The following ABCA13 variants were observed in gnomAD, a reference collection of about 807,000 sequenced individuals.
ABCA13 encodes ATP binding cassette subfamily A member 13.
A neutral mutation model predicts 478.7 loss-of-function variants in ABCA13; 476 were observed. The observed-to-expected ratio is 0.99, with a 90% CI of 0.92 to 1.07. The LOEUF (loss-of-function observed/expected upper bound fraction) is 1.07. ABCA13 is among the 50% of genes least tolerant of loss of function. ABCA13 has a pLI of 0.00. For synonymous variants in ABCA13, 2,252 were observed against 2,158.9 expected, an observed-to-expected ratio of 1.04 and a Z score of -1.20; for missense variants, 6,060 against 5,910.6, an observed-to-expected ratio of 1.03 and a Z score of -0.83.
At chr7:48,271,753 AT>A in intron 16 of ABCA13, 33 bp from the exon 17 acceptor site, 1 of 1,191,766 alleles carries the variant, frequency 8.4e-7, no homozygotes, top group Middle Eastern at 3.1e-4. Flanking sequence ...TTATTTTTTT[AT>A]TTTATACTAA....
chr7:48,597,501 A>G (rs1364285007), intron 58 of ABCA13, among the ~76,000 whole-genome samples: 2 of 152,230 alleles, frequency 1.3e-5, no homozygotes, highest in African/African-American at 4.8e-5. Flanking sequence ...TAGATTGAAT[A>G]GTAAGTTGTA....
intron 59 of ABCA13, chr7:48,626,891 A>G: frequency 1.0e-6 from 1 of 985,400 alleles, no homozygotes; most frequent in Non-Finnish European, 1.2e-6. Context: ...GTTGATATTC[A>G]TGTTCTCTTT....
At position 48,248,117 on chromosome 7, in the gene ABCA13, G is replaced by C. The variant is rs115657492; in HGVS notation, c.1660-122G>C. The C allele has an allele frequency of 6.3e-4, 473 of 750,074 alleles. 1 individual carries two copies. In the African/African-American group the frequency reaches 7.3e-3, roughly 12 times the overall value. The allele number at this position is 750,074 out of a possible 1,614,324, so 46.5% of individuals were successfully genotyped here. ...AGATAATTACCATGCCATAGGGCAC[G>C]ATCTTTGATGTACAGTTTGAGTGGA... On this transcript the variant is annotated intron_variant, in intron 13 of 61. Coordinates refer to ENST00000435803, the MANE Select transcript of ABCA13 (RefSeq NM_152701.5).
At chr7:48,176,755 G>C (rs1056696590) in intron 1 of ABCA13, among the ~76,000 whole-genome samples, 3 of 152,164 alleles carry the variant, frequency 2.0e-5, no homozygotes, top group Non-Finnish European at 4.4e-5. Flanking sequence ...GATCTACCCT[G>C]GGGCTAGGTA....
intron 58 of ABCA13, among the ~76,000 whole-genome samples, chr7:48,600,908 T>C (rs1790825360): frequency 6.6e-6 from 1 of 152,226 alleles, no homozygotes. Flanking sequence ...TTTACTCAAA[T>C]ACTTTTTCTG....
rs531561904 is a variant in ABCA13 at position 48,372,294 on chromosome 7, C to T, written c.10930C>T (p.His3644Tyr). 1.3e-5 allele frequency: 21 copies of T among 1,613,818 alleles called. No individual in the cohort carries two copies. The highest frequency in any genetic ancestry group is 1.8e-5 in the Non-Finnish European group (21 of 1,179,872). ...IVLKTSGIFA[H>Y]SNTFIVFLFL... Reference sequence around the variant, plus strand: ...TCTGAAAACAAGTGGCATCTTTGCACACAGCAATACCTTTATTGTTTTCCT... The same window carrying T: ...TCTGAAAACAAGTGGCATCTTTGCATACAGCAATACCTTTATTGTTTTCCT... The change falls in exon 33 of 62, where the codon CAC (histidine) becomes TAC (tyrosine). Residue 3644 changes from histidine (H) to tyrosine (Y), a missense_variant. Around this residue, in one of 3 missense-constraint regions of ABCA13, gnomAD observed 4,423 missense variants for 4,309.1 expected, o/e 1.03. Transcript: ENST00000435803.
chr7:48,538,713 G>T (rs1290364393), intron 55 of ABCA13, among the ~76,000 whole-genome samples: 1 of 151,982 alleles, frequency 6.6e-6, no homozygotes, highest in Non-Finnish European at 1.5e-5. Flanking sequence ...GTCATTCTAT[G>T]TACTCCATTC....
intron 58 of ABCA13, among the ~76,000 whole-genome samples, chr7:48,604,607 TC>T (rs1182116283): frequency 1.3e-5 from 2 of 152,118 alleles, no homozygotes; most frequent in Admixed American, 1.3e-4. Flanking sequence ...TGTTATGATT[TC>T]CGTTCTTTTG....
At chr7:48,225,184 C>CCTTCCTTCCTTG in intron 5 of ABCA13, among the ~76,000 whole-genome samples, 1 of 149,590 alleles carries the variant, frequency 6.7e-6, no homozygotes, top group Non-Finnish European at 1.5e-5. Flanking sequence ...TTCCTTCCTT[C>CCTTCCTTCCTTG]CTTCCTTCTT....
chr7:48,387,907 A>G lies in ABCA13; in HGVS notation c.11421A>G (p.Gln3807=). The G allele has an allele frequency of 1.2e-6, 2 of 1,613,338 alleles. No individual in the cohort carries two copies. The highest frequency in any genetic ancestry group is 1.7e-6 in the Non-Finnish European group (2 of 1,179,626). ...KSVGFLVEKR[Q]YFLSSSLFFF... is the part of the protein sequence containing the mutation. Reference sequence around the variant, plus strand: ...TGGGTTTCTTGGTGGAGAAAAGGCAATACTTTCTAAGTTCTAGTCTGTTCT... The same window carrying G: ...TGGGTTTCTTGGTGGAGAAAAGGCAGTACTTTCTAAGTTCTAGTCTGTTCT... Residue 3807 remains glutamine (Q), a synonymous_variant, in exon 36 of 62, where the codon CAA becomes CAG. Coordinates refer to ENST00000435803, the MANE Select transcript of ABCA13 (RefSeq NM_152701.5).
At chr7:48,609,856 A>T (rs1791849219) in intron 58 of ABCA13, among the ~76,000 whole-genome samples, 1 of 152,246 alleles carries the variant, frequency 6.6e-6, no homozygotes, top group African/African-American at 2.4e-5. Context: ...TCACAAGAAT[A>T]GCAACAGGGA....
chr7:48,362,409 CTTT>C (rs35795708), intron 31 of ABCA13, among the ~76,000 whole-genome samples: 24 of 85,998 alleles, frequency 2.8e-4, no homozygotes, highest in Non-Finnish European at 3.6e-4. Flanking sequence ...TCCTCTTCTT[CTTT>C]TTTTTTTTTT....
chr7:48,328,706 C>G lies in ABCA13; in HGVS notation c.10000-6716C>G, dbSNP rs574789633. ...TTATTAGTGAAATAGCACATTAGAACATGAGGAAAAATTATAAACATATAG... is the reference window on the plus strand; with the variant it reads ...TTATTAGTGAAATAGCACATTAGAAGATGAGGAAAAATTATAAACATATAG... On this transcript the variant is annotated intron_variant, in intron 27 of 61. Coordinates refer to ENST00000435803, the MANE Select transcript of ABCA13 (RefSeq NM_152701.5). 5.9e-5 allele frequency among the ~76,000 whole-genome samples: 9 copies of G among 151,300 alleles called. No homozygotes were observed. The South Asian group carries it at 1.9e-3, about 32-fold the overall frequency.
intron 48 of ABCA13, among the ~76,000 whole-genome samples, chr7:48,499,809 A>G (rs183454507): frequency 1.3e-5 from 2 of 152,208 alleles, no homozygotes; most frequent in South Asian, 4.1e-4. Flanking sequence ...CCTTTTACTT[A>G]GGAGCCTTGG....
chr7:48,645,508 T>C lies in ABCA13; in HGVS notation c.15173T>C (p.Ile5058Thr), dbSNP rs751602509. ...AGTCACCACACACATCACTTGCCCA[T>C]CTGAGCACTAAAGAAGTTTCCATAA... ...TDSHHTHHLP[I>T] is the part of the protein sequence containing the mutation. Residue 5058 changes from isoleucine to threonine, a missense_variant, in exon 62 of 62, where the codon ATC becomes ACC. Around this residue, in one of 3 missense-constraint regions of ABCA13, gnomAD observed 1,627 missense variants for 1,571.0 expected, o/e 1.04. Coordinates refer to ENST00000435803, the MANE Select transcript of ABCA13 (RefSeq NM_152701.5). 1.3e-6 allele frequency: 2 copies of C among 1,578,348 alleles called. No individual in the cohort carries two copies. The highest frequency in any genetic ancestry group is 2.3e-5 in the South Asian group (2 of 85,646).
In ABCA13 at chr7:48,387,913, T is replaced by C. The variant is rs1815431330; in HGVS notation, c.11427T>C (p.Phe3809=). 9.3e-6 allele frequency: 15 copies of C among 1,613,208 alleles called. No individual in the cohort carries two copies. The highest frequency in any genetic ancestry group is 2.7e-5 in the African/African-American group (2 of 74,894). The change falls in exon 36 of 62, where the codon TTT becomes TTC. Residue 3809 remains phenylalanine (F), a synonymous_variant. Transcript: ENST00000435803. ...VGFLVEKRQY[F]LSSSLFFFNE... ...TCTTGGTGGAGAAAAGGCAATACTT[T>C]CTAAGTTCTAGTCTGTTCTTCTTCA...
intron 49 of ABCA13, among the ~76,000 whole-genome samples, chr7:48,507,087 T>G (rs1279017986): frequency 6.6e-6 from 1 of 152,174 alleles, no homozygotes; most frequent in Non-Finnish European, 1.5e-5. Flanking sequence ...ACCGGTTGGG[T>G]TGCAGCTTGT....
At chr7:48,437,840 T>C (rs1438182503) in intron 42 of ABCA13, among the ~76,000 whole-genome samples, 1 of 152,070 alleles carries the variant, frequency 6.6e-6, no homozygotes, top group African/African-American at 2.4e-5. Flanking sequence ...ATGTAGCCTA[T>C]CTGAGCCTGT....
intron 59 of ABCA13, among the ~76,000 whole-genome samples, chr7:48,618,624 G>A (rs940022672): frequency 6.6e-6 from 1 of 152,284 alleles, no homozygotes; most frequent in Admixed American, 6.5e-5. Context: ...GGATTTTATT[G>A]TGATTTCTAT....
Sources: gnomAD v4.1 joint callset for allele counts (sites outside exome capture counted in the v4.1 genomes callset) on GRCh38, gnomAD v4.1.1 for gene constraint, gnomAD v4.1.1 regional missense constraint, MANE v1.5 for transcripts, NCBI Gene and HGNC (gene_info 2026-07-23, HGNC 2026-07-21) for gene names.